PLCE1: variants seen among roughly 807,000 people sequenced by gnomAD.
PLCE1 encodes 1-phosphatidylinositol 4,5-bisphosphate phosphodiesterase epsilon-1.
A neutral mutation model predicts 242.8 loss-of-function variants in PLCE1; 119 were observed. The ratio of observed to expected loss-of-function variants is 0.49; its 90% CI spans 0.42 to 0.57. The LOEUF (loss-of-function observed/expected upper bound fraction) is 0.57, where lower values mean the gene tolerates loss of function less well. PLCE1 is among the 20% of genes least tolerant of loss of function. PLCE1 has a pLI of 0.00. For missense variants in PLCE1, 2,441 were observed against 2,788.8 expected (o/e 0.88, Z 2.81); for synonymous variants, 945 against 1,017.4 (o/e 0.93, Z 1.35).
chr10:94,198,688 G>A (rs1424120691), intron 4 of PLCE1, among the ~76,000 whole-genome samples: 2 of 152,146 alleles, frequency 1.3e-5, no homozygotes, highest in Non-Finnish European at 2.9e-5. Context: ...ACAGAATGTA[G>A]CAGAAATAGA....
chr10:94,234,352 G>C (rs1031023566), intron 6 of PLCE1, 40 bp downstream of exon 6: 8 of 1,603,338 alleles, frequency 5.0e-6, no homozygotes, highest in Non-Finnish European at 6.8e-6. Context: ...AAGAGCCACT[G>C]TTGCTGGCTG....
At position 94,210,696 on chromosome 10, in the gene PLCE1, C is replaced by T. The variant is rs138823311; in HGVS notation, c.1810-16610C>T. The stretch of plus-strand genomic sequence containing the variant: ...CCCATAATCAGCAGCTGGTGAGCAG[C>T]TGCTCCCTCCTTTCCTAAAACAGAT... On this transcript the variant is annotated intron_variant, in intron 4 of 32. Coordinates refer to ENST00000371380, the MANE Select transcript of PLCE1 (RefSeq NM_016341.4). 3.1e-3 allele frequency among the ~76,000 whole-genome samples: 475 copies of T among 152,298 alleles called. 2 individuals are homozygous for T. Among genetic ancestry groups the T allele is most frequent in the African/African-American group, 7.7e-3 (319 of 41,570 alleles).
intron 1 of PLCE1, among the ~76,000 whole-genome samples, chr10:94,005,658 C>T (rs2061021361): frequency 6.6e-6 from 1 of 152,140 alleles, no homozygotes; most frequent in African/African-American, 2.4e-5. Context: ...GTAGCATCTC[C>T]CCAAAACTCG....
intron 4 of PLCE1, among the ~76,000 whole-genome samples, chr10:94,220,698 A>G (rs2049710495): frequency 6.6e-6 from 1 of 152,070 alleles, no homozygotes; most frequent in Admixed American, 6.5e-5. Context: ...ACAGTAGTGA[A>G]CATCTATCCC....
In PLCE1 at chr10:94,132,281, T is replaced by C. The variant is rs375003658; in HGVS notation, c.1314T>C (p.Val438=). 6.8e-6 allele frequency: 11 copies of C among 1,613,744 alleles called. No individual in the cohort carries two copies. The African/African-American group carries it at 1.1e-4, about 16-fold the overall frequency. Residue 438 remains valine, a synonymous_variant, in exon 3 of 33, where the codon GTT becomes GTC. Transcript: ENST00000371380. ...AGACAGCCCATGGAAGGATAAGCGTTGGTCCATGCTTAAAGCAATGTGTCC... is the reference window on the plus strand; with the variant it reads ...AGACAGCCCATGGAAGGATAAGCGTCGGTCCATGCTTAAAGCAATGTGTCC... ...ASETAHGRIS[V]GPCLKQCVRD... is the part of the protein sequence containing the mutation.
rs139548104 is a variant in PLCE1, at chr10:94,137,327, T to A, written c.1492+4868T>A. 1.5e-3 allele frequency among the ~76,000 whole-genome samples: 232 copies of A among 152,316 alleles called. 2 individuals carry two copies. The highest frequency in any genetic ancestry group is 4.7e-3 in the African/African-American group (195 of 41,570). ...ATTGACTTCGATAATTAGGAAGAAA[T>A]TTTCAAAGCTATCACCTGCTTTTTC... is the stretch of plus-strand genomic sequence containing the variant. On this transcript the variant is annotated intron_variant, in intron 3 of 32. Transcript: ENST00000371380.
intron 19 of PLCE1, among the ~76,000 whole-genome samples, chr10:94,278,704 A>G (rs531334858): frequency 6.6e-6 from 1 of 152,274 alleles, no homozygotes; most frequent in African/African-American, 2.4e-5. Context: ...CCCCTGCCAT[A>G]TTAACATTTA....
At chr10:94,089,557 C>T (rs1272718011) in intron 2 of PLCE1, among the ~76,000 whole-genome samples, 7 of 152,140 alleles carry the variant, frequency 4.6e-5, no homozygotes, top group Non-Finnish European at 5.9e-5. Context: ...ATGTTTTAAC[C>T]TAAAATGTTT....
chr10:94,188,071 A>AC (rs911104525), intron 4 of PLCE1, among the ~76,000 whole-genome samples: 4 of 150,882 alleles, frequency 2.7e-5, no homozygotes, highest in Non-Finnish European at 5.9e-5. Context: ...ACATCCTCCC[A>AC]CCCCCCAGCA....
At chr10:94,217,011 T>C (rs1385555962) in intron 4 of PLCE1, among the ~76,000 whole-genome samples, 4 of 148,806 alleles carry the variant, frequency 2.7e-5, no homozygotes, top group African/African-American at 9.9e-5. Flanking sequence ...CAACAGTAAA[T>C]TAGCAAACAG....
In PLCE1 at chr10:94,246,372, T is replaced by G; in HGVS notation, c.2847T>G (p.Pro949=). ...TGAAGGCTGTATACATGGGCCACCC[T>G]GGCATTGATATACACACTGTGTGTG... The part of the protein sequence containing the change: ...FAVKAVYMGH[P]GIDIHTVCVQ... The change falls in exon 8 of 33, where the codon CCT becomes CCG. Residue 949 remains proline (P), a synonymous_variant. Transcript: ENST00000371380. 1 of 1,614,216 alleles carries G rather than the reference T, an allele frequency of 6.2e-7. No individual in the cohort carries two copies. The highest frequency in any genetic ancestry group is 2.2e-5 in the East Asian group (1 of 44,884).
chr10:94,106,917 T>TCC, intron 2 of PLCE1: 1 of 111,408 alleles, frequency 9.0e-6, no homozygotes, highest in African/African-American at 3.2e-5. Flanking sequence ...CTTGTTTCTC[T>TCC]CTCTCTCTCT....
chr10:94,316,781 C>T (rs952401167), intron 29 of PLCE1, 25 bp downstream of exon 29: 11 of 1,526,636 alleles, frequency 7.2e-6, no homozygotes, highest in Non-Finnish European at 1.0e-5. Context: ...GTGCAGCCTA[C>T]ACAGTAACGA....
At position 94,265,711 on chromosome 10, in the gene PLCE1, A is replaced by T. The variant is rs1461388349; in HGVS notation, c.4115+3A>T. The T allele has an allele frequency of 1.2e-6, 2 of 1,613,818 alleles. No homozygotes were observed. The highest frequency in any genetic ancestry group is 1.7e-6 in the Non-Finnish European group (2 of 1,179,748). ...ATGTCATTTGAAGGGTTTGCCAGGT[A>T]ACTTTTAAAATATCTTTTGCCCATC... On this transcript the variant is annotated splice_donor_region_variant and intron_variant, in intron 15 of 32. Transcript: ENST00000371380.
chr10:94,184,007 C>T (rs1365125511), intron 4 of PLCE1, among the ~76,000 whole-genome samples: 3 of 152,208 alleles, frequency 2.0e-5, no homozygotes, highest in Non-Finnish European at 4.4e-5. Context: ...ACAGGGCAAA[C>T]ATCCAAACCA....
intron 3 of PLCE1, among the ~76,000 whole-genome samples, chr10:94,133,105 A>C (rs1334699100): frequency 6.6e-6 from 1 of 152,158 alleles, no homozygotes; most frequent in Non-Finnish European, 1.5e-5. Context: ...AGATGCTAGG[A>C]AACAAATATA....
intron 2 of PLCE1, among the ~76,000 whole-genome samples, chr10:94,057,327 CA>C (rs1390556306): frequency 2.6e-5 from 4 of 151,854 alleles, no homozygotes; most frequent in African/African-American, 9.7e-5. Flanking sequence ...AAATTTTCTT[CA>C]AAAAAATTTA....
chr10:94,198,614 T>C (rs1033053583), intron 4 of PLCE1, among the ~76,000 whole-genome samples: 4 of 152,236 alleles, frequency 2.6e-5, no homozygotes, highest in Admixed American at 1.3e-4. Context: ...GCCTCCTTTG[T>C]AGTCATTCCT....
chr10:94,019,972 A>G (rs1320481306), intron 1 of PLCE1, among the ~76,000 whole-genome samples: 1 of 152,210 alleles, frequency 6.6e-6, no homozygotes, highest in Non-Finnish European at 1.5e-5. Context: ...TGCTATAAAC[A>G]TTTTTGTATA....
Sources: gnomAD v4.1 joint callset for allele counts (sites outside exome capture counted in the v4.1 genomes callset) on GRCh38, gnomAD v4.1.1 for gene constraint, MANE v1.5 for transcripts, NCBI Gene and HGNC (gene_info 2026-07-23, HGNC 2026-07-21) for gene names.